The following AGMO variants were observed in gnomAD, a reference collection of about 807,000 sequenced individuals.
The protein encoded by AGMO is alkylglycerol monooxygenase.
In AGMO, 75 loss-of-function variants were observed where a neutral mutation model predicts 60.2. That is an observed-to-expected ratio of 1.25 (90% confidence interval 1.03 to 1.51). The LOEUF is 1.51. AGMO is among the 40% of genes most tolerant of loss of function. The probability of loss-of-function intolerance (pLI) is 0.00; values close to 1 mark genes in which losing one functional copy is unlikely to be tolerated. For synonymous variants in AGMO, 261 were observed against 177.1 expected (o/e 1.47, Z -3.76); for missense variants, 763 against 525.5 (o/e 1.45, Z -4.42).
At chr7:15,252,118 G>A (rs1782956087) in intron 12 of AGMO, among the ~76,000 whole-genome samples, 1 of 152,168 alleles carries the variant, frequency 6.6e-6, no homozygotes, top group Non-Finnish European at 1.5e-5. Context: ...CATGCAGTGA[G>A]GAAAGGGGGT....
intron 12 of AGMO, among the ~76,000 whole-genome samples, chr7:15,291,355 A>G (rs370548202): frequency 3.9e-5 from 6 of 152,284 alleles, no homozygotes; most frequent in African/African-American, 1.2e-4. Context: ...AACAGATTAT[A>G]TATTCCTGAA....
At chr7:15,396,511 A>ATAT (rs1784391227) in intron 5 of AGMO, 1 of 152,284 alleles carries the variant, frequency 6.6e-6, no homozygotes, top group African/African-American at 2.4e-5. Context: ...AGCAGCAGCA[A>ATAT]TACATACATT....
At chr7:15,524,404 G>A (rs1430957061) in intron 3 of AGMO, among the ~76,000 whole-genome samples, 2 of 152,054 alleles carry the variant, frequency 1.3e-5, no homozygotes, top group Admixed American at 6.6e-5. Flanking sequence ...ATTATGAAAT[G>A]TTTGGTGGAA....
intron 12 of AGMO, among the ~76,000 whole-genome samples, chr7:15,364,548 T>C (rs1364071096): frequency 6.6e-6 from 1 of 152,054 alleles, no homozygotes; most frequent in African/African-American, 2.4e-5. Context: ...TTGCTAATCT[T>C]ACGTCATGAC....
chr7:15,228,091 TAA>T (rs915138250), intron 12 of AGMO, among the ~76,000 whole-genome samples: 13 of 152,264 alleles, frequency 8.5e-5, no homozygotes, highest in Middle Eastern at 3.4e-3. Flanking sequence ...TTAATTTCTT[TAA>T]AGTTTTTCTT....
At chr7:15,555,646 A>G (rs538793246) in intron 2 of AGMO, among the ~76,000 whole-genome samples, 1 of 152,054 alleles carries the variant, frequency 6.6e-6, no homozygotes, top group South Asian at 2.1e-4. Flanking sequence ...CTTTATAAAC[A>G]CAATGTGATA....
chr7:15,196,606 T>C (rs1261346600), downstream of AGMO, among the ~76,000 whole-genome samples: 4 of 152,138 alleles, frequency 2.6e-5, no homozygotes, highest in African/African-American at 4.8e-5. Context: ...GTTTGAAAAA[T>C]ATAGAACCTT....
At chr7:15,507,949 G>A (rs1783563286) in intron 3 of AGMO, among the ~76,000 whole-genome samples, 1 of 151,968 alleles carries the variant, frequency 6.6e-6, no homozygotes, top group East Asian at 1.9e-4. Context: ...TGGGATGGGT[G>A]ATGACTCTCA....
downstream of AGMO, among the ~76,000 whole-genome samples, chr7:15,195,519 G>A (rs6944905): frequency 0.13 from 19,566 of 152,224 alleles, 1,583 homozygotes; most frequent in East Asian, 0.34. Flanking sequence ...TTATGCAAAT[G>A]GGTTTTGTAC....
Position 15,295,181 on chromosome 7 carries a change from G to A in AGMO, c.1263+70333C>T, listed in dbSNP as rs547255954. ...GAAAATATTTTTAGAATATAAAACA[G>A]AGAAATGATTTGAGTATTTGTTGTA... On this transcript the variant is annotated intron_variant, in intron 12 of 12. Transcript: ENST00000342526. Among the ~76,000 whole-genome samples the A allele has an allele frequency of 5.9e-4, 89 of 151,842 alleles. 2 individuals carry two copies. In the South Asian group the frequency reaches 0.012, roughly 21 times the overall value.
chr7:15,382,048 G>C (rs998359776), intron 10 of AGMO, among the ~76,000 whole-genome samples: 1 of 151,908 alleles, frequency 6.6e-6, no homozygotes, highest in Non-Finnish European at 1.5e-5. Context: ...AGGAGGAAGA[G>C]GATTTTACTA....
intron 12 of AGMO, among the ~76,000 whole-genome samples, chr7:15,215,698 C>T (rs1262745646): frequency 2.0e-5 from 3 of 151,944 alleles, no homozygotes; most frequent in Non-Finnish European, 4.4e-5. Flanking sequence ...ATCAAAGCTA[C>T]CAAGATTTGA....
At chr7:15,452,903 T>C (rs554602606) in intron 3 of AGMO, among the ~76,000 whole-genome samples, 1 of 152,196 alleles carries the variant, frequency 6.6e-6, no homozygotes, top group Admixed American at 6.5e-5. Context: ...ATAAAAGGAA[T>C]GAAGTGATAC....
chr7:15,480,754 G>A (rs1583596314), intron 3 of AGMO, among the ~76,000 whole-genome samples: 1 of 151,972 alleles, frequency 6.6e-6, no homozygotes, highest in Non-Finnish European at 1.5e-5. Flanking sequence ...ATTACATAAA[G>A]AAAATTATTG....
chr7:15,346,081 C>A (rs1007139238), intron 12 of AGMO, among the ~76,000 whole-genome samples: 1 of 152,100 alleles, frequency 6.6e-6, no homozygotes, highest in African/African-American at 2.4e-5. Flanking sequence ...CAAGAAAATG[C>A]TGATTCCCGC....
intron 3 of AGMO, among the ~76,000 whole-genome samples, chr7:15,447,563 T>C (rs28460018): frequency 0.014 from 2,071 of 152,236 alleles, 44 homozygotes; most frequent in African/African-American, 0.048. Context: ...CTTTTTTCTT[T>C]TTTTTTAGAT....
intron 12 of AGMO, among the ~76,000 whole-genome samples, chr7:15,203,303 T>C (rs546477189): frequency 6.6e-6 from 1 of 152,126 alleles, no homozygotes; most frequent in Non-Finnish European, 1.5e-5. Flanking sequence ...CAAGTCTAGT[T>C]ATGCCTTGTT....
At chr7:15,446,331 A>G (rs929026311) in intron 3 of AGMO, among the ~76,000 whole-genome samples, 2 of 152,200 alleles carry the variant, frequency 1.3e-5, no homozygotes, top group Admixed American at 1.3e-4. Context: ...ATCAGCTTGT[A>G]TGAAACATTG....
chr7:15,527,776 T>C (rs754209352), intron 3 of AGMO, among the ~76,000 whole-genome samples: 3 of 152,146 alleles, frequency 2.0e-5, no homozygotes, highest in Non-Finnish European at 2.9e-5. Context: ...TGAAGCCATT[T>C]ACCATTCCAA....
Sources: allele counts gnomAD v4.1 joint callset (sites outside exome capture counted in the v4.1 genomes callset), GRCh38; gene constraint gnomAD v4.1.1; transcripts MANE v1.5; gene names NCBI Gene and HGNC (gene_info 2026-07-23, HGNC 2026-07-21).